Variants in SLC4A7 observed in about 807,000 individuals in gnomAD.
SLC4A7 encodes solute carrier family 4 member 7.
A neutral mutation model predicts 137.6 loss-of-function variants in SLC4A7; 51 were observed. That is an observed-to-expected ratio of 0.37 (90% CI 0.30 to 0.47). The LOEUF (loss-of-function observed/expected upper bound fraction) is 0.47. Among genes scored for constraint, SLC4A7 ranks in the 20% least tolerant of loss-of-function variants. SLC4A7 has a pLI of 1.00. For synonymous variants in SLC4A7, 542 were observed against 518.6 expected (o/e 1.05, Z -0.61); for missense variants, 1,247 against 1,525.4 (o/e 0.82, Z 3.04).
chr3:27,453,139 T>C (rs1468858720), intron 1 of SLC4A7, among the ~76,000 whole-genome samples: 3 of 152,228 alleles, frequency 2.0e-5, no homozygotes, highest in Non-Finnish European at 4.4e-5. Context: ...AGACTAAACA[T>C]ATTTATTAGA....
chr3:27,441,736 C>A (rs2057211537), intron 3 of SLC4A7, among the ~76,000 whole-genome samples: 2 of 152,118 alleles, frequency 1.3e-5, no homozygotes, highest in Admixed American at 1.3e-4. Flanking sequence ...AATCCTCCTG[C>A]CTCAGTCTCC....
At position 27,395,066 on chromosome 3, in the gene SLC4A7, G is replaced by A. The variant is rs1440075094; in HGVS notation, c.2753C>T (p.Pro918Leu). 2 of 1,611,026 alleles carry A rather than the reference G, an allele frequency of 1.2e-6. No individual in the cohort carries two copies. The highest frequency in any genetic ancestry group is 2.7e-5 in the African/African-American group (2 of 74,764). The stretch of plus-strand genomic sequence containing the variant: ...AGCAGCTATTAATAAGGTCCACCAA[G>A]GATTATCTCCCAGTGGGCTTATGAT... The part of the protein sequence containing the change: ...GWIISPLGDN[P>L]WWTLLIAAIP... The change falls in exon 19 of 26, where the codon CCT becomes CTT. Residue 918 changes from proline (P) to leucine (L), a missense_variant. Pro to Leu is a moderately conservative substitution (Grantham distance 98, BLOSUM62 -3). Coordinates refer to ENST00000454389, the MANE Select transcript of SLC4A7 (RefSeq NM_001321103.2).
intron 1 of SLC4A7, among the ~76,000 whole-genome samples, chr3:27,459,083 T>C (rs924575729): frequency 3.2e-4 from 49 of 152,148 alleles, no homozygotes; most frequent in South Asian, 6.2e-4. Context: ...CCACCAGTAC[T>C]TAAGAGCTTA....
chr3:27,409,130 A>C (rs2053666734), intron 13 of SLC4A7, among the ~76,000 whole-genome samples: 1 of 152,168 alleles, frequency 6.6e-6, no homozygotes, highest in Admixed American at 6.5e-5. Flanking sequence ...AGCAAGCCAA[A>C]GTAAACTTTT....
chr3:27,379,396 T>G (rs1230912897), intron 24 of SLC4A7, 40 bp from the exon 25 acceptor site: 3 of 998,904 alleles, frequency 3.0e-6, no homozygotes, highest in Non-Finnish European at 4.6e-6. Context: ...ATTCAGTACT[T>G]GCAAAAGCAT....
intron 11 of SLC4A7, among the ~76,000 whole-genome samples, chr3:27,414,756 TTG>T (rs2054225626): frequency 6.6e-6 from 1 of 152,188 alleles, no homozygotes; most frequent in African/African-American, 2.4e-5. Context: ...CTCCATCAAG[TTG>T]TGTTCTGTTA....
chr3:27,399,928 TG>T (rs1406592808), intron 16 of SLC4A7, among the ~76,000 whole-genome samples: 5 of 152,256 alleles, frequency 3.3e-5, no homozygotes, highest in South Asian at 4.1e-4. Context: ...TAATGGCTAC[TG>T]TATTGGACAA....
chr3:27,421,531 A>T, intron 9 of SLC4A7, 91 bp downstream of exon 9: 1 of 959,410 alleles, frequency 1.0e-6, no homozygotes. Context: ...AGCTTTTATT[A>T]CATAAATCAA....
At chr3:27,473,169 C>T (rs1022994614) in intron 1 of SLC4A7, among the ~76,000 whole-genome samples, 11 of 151,756 alleles carry the variant, frequency 7.2e-5, no homozygotes, top group South Asian at 4.2e-4. Flanking sequence ...TGTGTGTGTA[C>T]GCACCATTAG....
At chr3:27,475,271 AT>A (rs2059417993) in intron 1 of SLC4A7, among the ~76,000 whole-genome samples, 1 of 151,632 alleles carries the variant, frequency 6.6e-6, no homozygotes, top group African/African-American at 2.4e-5. Context: ...CAGGCTGATT[AT>A]TAATAGCAAG....
chr3:27,412,106 C>G (rs912438238), intron 11 of SLC4A7, among the ~76,000 whole-genome samples: 1 of 152,162 alleles, frequency 6.6e-6, no homozygotes, highest in African/African-American at 2.4e-5. Flanking sequence ...TTTAAAAATA[C>G]TGCTCCTATT....
chr3:27,373,565 A>C lies in SLC4A7; in HGVS notation c.*3199T>G, dbSNP rs1432516925. 1 of 152,168 alleles carries C rather than the reference A, an allele frequency of 6.6e-6. No individual in the cohort carries two copies. The highest frequency in any genetic ancestry group is 1.5e-5 in the Non-Finnish European group (1 of 67,984). The allele number at this position is 152,168 out of a possible 1,614,324, so 9.4% of individuals were successfully genotyped here. On this transcript the variant is annotated 3_prime_UTR_variant, in exon 26 of 26. Transcript: ENST00000454389. ...ACACAGTTGAAATCTGAGCACTTTA[A>C]AACAGGATTCACATGTTAAACTGCT...
intron 23 of SLC4A7, among the ~76,000 whole-genome samples, chr3:27,384,745 C>T (rs2050764866): frequency 6.6e-6 from 1 of 151,994 alleles, no homozygotes; most frequent in Admixed American, 6.6e-5. Context: ...GGCAGATCAC[C>T]AGAGGTCAGG....
chr3:27,382,162 T>G (rs1261411877), intron 24 of SLC4A7, among the ~76,000 whole-genome samples: 1 of 152,090 alleles, frequency 6.6e-6, no homozygotes, highest in Non-Finnish European at 1.5e-5. Context: ...CTCTGTTGCC[T>G]AGGCTGGAGT....
At chr3:27,408,758 T>C (rs2053627681) in intron 13 of SLC4A7, among the ~76,000 whole-genome samples, 1 of 152,208 alleles carries the variant, frequency 6.6e-6, no homozygotes, top group Non-Finnish European at 1.5e-5. Flanking sequence ...ACATAAAAAC[T>C]TTCATTTTAG....
chr3:27,427,328 TTTA>T (rs1277583168), intron 7 of SLC4A7, among the ~76,000 whole-genome samples: 1 of 151,882 alleles, frequency 6.6e-6, no homozygotes, highest in Non-Finnish European at 1.5e-5. Flanking sequence ...TTTTTTTTTT[TTTA>T]CTTTCCCTAG....
intron 13 of SLC4A7, among the ~76,000 whole-genome samples, chr3:27,405,371 G>T (rs958237219): frequency 6.6e-6 from 1 of 152,042 alleles, no homozygotes; most frequent in Non-Finnish European, 1.5e-5. Context: ...AACTACTCCT[G>T]GTTCGAAGCA....
intron 1 of SLC4A7, among the ~76,000 whole-genome samples, chr3:27,463,804 G>GC (rs1443766425): frequency 6.6e-6 from 1 of 152,142 alleles, no homozygotes; most frequent in Non-Finnish European, 1.5e-5. Context: ...CAGCCTGTTA[G>GC]CAGGACTCCA....
intron 7 of SLC4A7, chr3:27,424,603 A>G (rs1214661806): frequency 1.3e-5 from 2 of 152,576 alleles, no homozygotes; most frequent in Non-Finnish European, 2.9e-5. Flanking sequence ...AAAAAGCTAC[A>G]CTAACTAAAT....
Sources: allele counts gnomAD v4.1 joint callset (sites outside exome capture counted in the v4.1 genomes callset), GRCh38; gene constraint gnomAD v4.1.1; transcripts MANE v1.5; gene names NCBI Gene and HGNC (gene_info 2026-07-23, HGNC 2026-07-21).